Variants in VAX1 observed in about 807,000 individuals in gnomAD.
The protein encoded by VAX1 is ventral anterior homeobox 1.
Under a neutral mutation model 17.6 loss-of-function variants are expected in VAX1, and 6 were observed. The observed-to-expected ratio is 0.34, with a 90% CI of 0.19 to 0.67. The LOEUF (loss-of-function observed/expected upper bound fraction) is 0.67. Ranked by LOEUF, VAX1 falls within the 30% of genes least tolerant of loss-of-function variation. The pLI, the probability that VAX1 is intolerant of heterozygous loss-of-function variation, is 0.69. For missense variants in VAX1, 408 were observed against 463.7 expected (o/e 0.88, Z 1.10); for synonymous variants, 256 against 227.4 (o/e 1.13, Z -1.13).
At chr10:117,135,109 G>A (rs529316821) in intron 2 of VAX1, among the ~76,000 whole-genome samples, 156 of 152,280 alleles carry the variant, frequency 1.0e-3, no homozygotes, top group Middle Eastern at 6.8e-3. Flanking sequence ...CAATGCGCTC[G>A]GATTTAGTCC....
rs1854134952 is a variant in VAX1 at position 117,134,258 on chromosome 10, C to T, written c.755G>A (p.Gly252Asp). The part of the protein sequence containing the change: ...PHPPAVGGAP[G>D]PGPAGPGGLH... Reference sequence around the variant, plus strand: ...TCCCCCCGGCCCGGCGGGCCCGGGACCTGGAGCACCGCCCACAGCCGGCGG... The same window carrying T: ...TCCCCCCGGCCCGGCGGGCCCGGGATCTGGAGCACCGCCCACAGCCGGCGG... Residue 252 changes from glycine to aspartate, a missense_variant, in exon 3 of 3, where the codon GGT becomes GAT. Around this residue, in one of 4 missense-constraint regions of VAX1, gnomAD observed 196 missense variants for 218.7 expected, o/e 0.90. Transcript: ENST00000369206. This position sits in a 1 kb window ranked among gnomAD's most constrained non-coding sequence, Gnocchi z 6.2. The T allele has an allele frequency of 7.4e-7, 1 of 1,349,232 alleles. No homozygotes were observed. Among genetic ancestry groups the T allele is most frequent in the Admixed American group, 4.1e-5 (1 of 24,162 alleles). 83.6% of individuals were successfully genotyped at this position (1,349,232 alleles called of 1,614,324 possible).
rs1433860735 is a variant in VAX1 at position 117,134,913 on chromosome 10, C to A, written c.430-330G>T. Among the ~76,000 whole-genome samples, 1 of 152,170 alleles carries A rather than the reference C, an allele frequency of 6.6e-6. No homozygotes were observed. The highest frequency in any genetic ancestry group is 1.9e-4 in the East Asian group (1 of 5,148). On this transcript the variant is annotated intron_variant, in intron 2 of 2. Transcript: ENST00000369206. The surrounding 1 kb of genome is among the most constrained non-coding windows in gnomAD (Gnocchi z 6.2). Reference sequence around the variant, plus strand: ...AGGGTTTCACTGGCTTCCGCGCTACCCCGCAGCGGTGTTTGGGGCTCACAG... The same window carrying A: ...AGGGTTTCACTGGCTTCCGCGCTACACCGCAGCGGTGTTTGGGGCTCACAG...
At position 117,133,551 on chromosome 10, in the gene VAX1, G is replaced by C; in HGVS notation, c.*457C>G. The stretch of plus-strand genomic sequence containing the variant: ...GAGGAAGGAACGTCCTCCTTTTTTG[G>C]TCTAAAGAAACCTGGAAGCCCCTGG... On this transcript the variant is annotated 3_prime_UTR_variant, in exon 3 of 3. Transcript: ENST00000369206. 1 of 985,734 alleles carries C rather than the reference G, an allele frequency of 1.0e-6. No individual in the cohort carries two copies. Among genetic ancestry groups the C allele is most frequent in the Non-Finnish European group, 1.2e-6 (1 of 830,206 alleles). The allele number at this position is 985,734 out of a possible 1,614,324, so 61.1% of individuals were successfully genotyped here.
In VAX1 at chr10:117,133,746, A is replaced by G. The variant is rs1439869117; in HGVS notation, c.*262T>C. ...GGGCATCAGGTTGACTAACTCGGGC[A>G]TTTTTCCCAATTCTTTGGATCGCTC... On this transcript the variant is annotated 3_prime_UTR_variant, in exon 3 of 3. Transcript: ENST00000369206. The G allele has an allele frequency of 8.2e-7, 1 of 1,217,900 alleles. No individual in the cohort carries two copies. The highest frequency in any genetic ancestry group is 4.1e-5 in the East Asian group (1 of 24,372). The allele number at this position is 1,217,900 out of a possible 1,614,324, so 75.4% of individuals were successfully genotyped here. A position where few individuals can be genotyped will look rare whatever the true frequency, so the allele number is the denominator to read the frequency against.
At chr10:117,132,821 C>G (rs151275229), downstream of VAX1, among the ~76,000 whole-genome samples, 2 of 152,200 alleles carry the variant, frequency 1.3e-5, no homozygotes, top group African/African-American at 4.8e-5. The surrounding 1 kb of genome is among the most constrained non-coding windows in gnomAD (Gnocchi z 4.9). Flanking sequence ...AGAGGAGGCC[C>G]GACCACCCAG....
chr10:117,137,806 C>A lies in VAX1; in HGVS notation c.241+10G>T. The A allele has an allele frequency of 6.2e-7, 1 of 1,611,496 alleles. No homozygotes were observed. Among genetic ancestry groups the A allele is most frequent in the South Asian group, 1.1e-5 (1 of 90,970 alleles). ...CAAAGAACGCGCCTGGCAGCCCTGC[C>A]CATCCCTACCTCGGACCAGGATCCG... On this transcript the variant is annotated intron_variant, in intron 1 of 2. Transcript: ENST00000369206. The surrounding 1 kb of genome is among the most constrained non-coding windows in gnomAD (Gnocchi z 7.4).
chr10:117,133,663 C>T lies in VAX1; in HGVS notation c.*345G>A, dbSNP rs1854121834. 3 of 1,019,564 alleles carry T rather than the reference C, an allele frequency of 2.9e-6. No homozygotes were observed. The highest frequency in any genetic ancestry group is 9.0e-5 in the East Asian group (1 of 11,138). 63.2% of individuals were successfully genotyped at this position (1,019,564 alleles called of 1,614,324 possible). A position where few individuals can be genotyped will look rare whatever the true frequency, so the allele number is the denominator to read the frequency against. ...GCAGCAGCCGCGGATCTAGAGCAAA[C>T]GTCCTGTGCTTTGGAGTTAGAACCA... is the stretch of plus-strand genomic sequence containing the variant. On this transcript the variant is annotated 3_prime_UTR_variant, in exon 3 of 3. Coordinates refer to ENST00000369206, the MANE Select transcript of VAX1 (RefSeq NM_001112704.2).
Position 117,138,051 on chromosome 10 carries a change from G to A in VAX1, c.6C>T (p.Phe2=), listed in dbSNP as rs201598507. 234 of 1,343,816 alleles carry A rather than the reference G, an allele frequency of 1.7e-4. 1 individual carries two copies. The highest frequency in any genetic ancestry group is 2.8e-5 in the Non-Finnish European group (29 of 1,021,416). The allele number at this position is 1,343,816 out of a possible 1,614,324, so 83.2% of individuals were successfully genotyped here. A position where few individuals can be genotyped will look rare whatever the true frequency, so the allele number is the denominator to read the frequency against. M[F]GKPDKMDVRC... ...GAACGTCCATTTTGTCTGGTTTCCCGAACATAGGCAAGAACAACAACAAAA... is the reference window on the plus strand; with the variant it reads ...GAACGTCCATTTTGTCTGGTTTCCCAAACATAGGCAAGAACAACAACAAAA... Residue 2 remains phenylalanine (F), a synonymous_variant, in exon 1 of 3, where the codon TTC becomes TTT. Coordinates refer to ENST00000369206, the MANE Select transcript of VAX1 (RefSeq NM_001112704.2).
At chr10:117,132,374 T>G (rs1043336807), downstream of VAX1, 1 of 1,610,282 alleles carries the variant, frequency 6.2e-7, no homozygotes, top group Non-Finnish European at 8.5e-7. This position sits in a 1 kb window ranked among gnomAD's most constrained non-coding sequence, Gnocchi z 4.9. Context: ...ACCACATAAA[T>G]ACAAAACATC....
rs1255216202 is a variant in VAX1 at position 117,134,192 on chromosome 10, C to G, written c.821G>C (p.Ser274Thr). The change falls in exon 3 of 3, where the codon AGC becomes ACC. Residue 274 changes from serine (S) to threonine (T), a missense_variant. Transcript: ENST00000369206. The surrounding 1 kb of genome is among the most constrained non-coding windows in gnomAD (Gnocchi z 6.2). ...GAPAAGHSLF[S>T]LPVPSLLGSV... Reference sequence around the variant, plus strand: ...GCCGAGCAGCGAGGGCACCGGCAGGCTGAAGAGGCTGTGGCCCGCGGCCGG... The same window carrying G: ...GCCGAGCAGCGAGGGCACCGGCAGGGTGAAGAGGCTGTGGCCCGCGGCCGG... 1 of 1,513,026 alleles carries G rather than the reference C, an allele frequency of 6.6e-7. No homozygotes were observed. The highest frequency in any genetic ancestry group is 8.8e-7 in the Non-Finnish European group (1 of 1,131,854). The allele number at this position is 1,513,026 out of a possible 1,614,324, so 93.7% of individuals were successfully genotyped here.
rs1174944599 is a variant in VAX1 at position 117,137,141 on chromosome 10, G to C, written c.242-482C>G. 2.0e-5 allele frequency among the ~76,000 whole-genome samples: 3 copies of C among 151,736 alleles called. No individual in the cohort carries two copies. The highest frequency in any genetic ancestry group is 2.9e-5 in the Non-Finnish European group (2 of 67,854). ...AAGGAGGAGGGACTGAGTCGGGGCCGGCCGGGCCCGGAGATCTGCTGCTGG... is the reference window on the plus strand; with the variant it reads ...AAGGAGGAGGGACTGAGTCGGGGCCCGCCGGGCCCGGAGATCTGCTGCTGG... On this transcript the variant is annotated intron_variant, in intron 1 of 2. Coordinates refer to ENST00000369206, the MANE Select transcript of VAX1 (RefSeq NM_001112704.2). The surrounding 1 kb of genome is among the most constrained non-coding windows in gnomAD (Gnocchi z 7.4).
In VAX1 at chr10:117,138,089, A is replaced by G. The variant is rs1285774649; in HGVS notation, c.-33T>C. 22 of 741,810 alleles carry G rather than the reference A, an allele frequency of 3.0e-5. No individual in the cohort carries two copies. The highest frequency in any genetic ancestry group is 3.4e-5 in the Non-Finnish European group (18 of 530,190). The allele number at this position is 741,810 out of a possible 1,614,324, so 46.0% of individuals were successfully genotyped here. Reference sequence around the variant, plus strand: ...AACAACAACAAAAACAGAAAGGAAAAAAAAAGCAAAAAAAAAAAAAAGGGG... The same window carrying G: ...AACAACAACAAAAACAGAAAGGAAAGAAAAAGCAAAAAAAAAAAAAAGGGG... On this transcript the variant is annotated 5_prime_UTR_variant, in exon 1 of 3. Coordinates refer to ENST00000369206, the MANE Select transcript of VAX1 (RefSeq NM_001112704.2).
chr10:117,134,193 T>A lies in VAX1; in HGVS notation c.820A>T (p.Ser274Cys). ...GAPAAGHSLF[S>C]LPVPSLLGSV... ...CCGAGCAGCGAGGGCACCGGCAGGCTGAAGAGGCTGTGGCCCGCGGCCGGG... is the reference window on the plus strand; with the variant it reads ...CCGAGCAGCGAGGGCACCGGCAGGCAGAAGAGGCTGTGGCCCGCGGCCGGG... Residue 274 changes from serine (S) to cysteine (C), a missense_variant, in exon 3 of 3, where the codon AGC (serine) becomes TGC (cysteine). By Grantham distance (112) the Ser-to-Cys change is moderately radical. Coordinates refer to ENST00000369206, the MANE Select transcript of VAX1 (RefSeq NM_001112704.2). The surrounding 1 kb of genome is among the most constrained non-coding windows in gnomAD (Gnocchi z 6.2). The A allele has an allele frequency of 6.6e-7, 1 of 1,512,778 alleles. No individual in the cohort carries two copies. Among genetic ancestry groups the A allele is most frequent in the Non-Finnish European group, 8.8e-7 (1 of 1,131,750 alleles). The allele number at this position is 1,512,778 out of a possible 1,614,324, so 93.7% of individuals were successfully genotyped here.
At chr10:117,131,682 C>G (rs1854087004), downstream of VAX1, 1 of 152,908 alleles carries the variant, frequency 6.5e-6, no homozygotes, top group African/African-American at 2.4e-5. Context: ...TTTAGAAGAG[C>G]GTGTCCGGAA....
In VAX1 at chr10:117,133,874, G is replaced by T; in HGVS notation, c.*134C>A. 5 of 1,381,520 alleles carry T rather than the reference G, an allele frequency of 3.6e-6. No individual in the cohort carries two copies. Among genetic ancestry groups the T allele is most frequent in the Non-Finnish European group, 4.7e-6 (5 of 1,074,420 alleles). The allele number at this position is 1,381,520 out of a possible 1,614,324, so 85.6% of individuals were successfully genotyped here. On this transcript the variant is annotated 3_prime_UTR_variant, in exon 3 of 3. Coordinates refer to ENST00000369206, the MANE Select transcript of VAX1 (RefSeq NM_001112704.2). ...GATGAAATTGGTAGCAGAGTCTAGT[G>T]GGAAAGGAGAGCTGTCAGAGGCCTG...
downstream of VAX1, chr10:117,129,676 G>GTGTGTGTGTGTA (rs1438040088): frequency 5.9e-5 from 9 of 151,648 alleles, no homozygotes; most frequent in Non-Finnish European, 1.2e-4. Flanking sequence ...GTGTGTGTGT[G>GTGTGTGTGTGTA]TAAATCATCA....
downstream of VAX1, chr10:117,132,259 C>A (rs768045922): frequency 2.5e-6 from 4 of 1,614,144 alleles, no homozygotes; most frequent in Non-Finnish European, 3.4e-6. This position sits in a 1 kb window ranked among gnomAD's most constrained non-coding sequence, Gnocchi z 4.9. Flanking sequence ...CGAGACTCAT[C>A]ATTTGCTGGC....
intron 2 of VAX1, among the ~76,000 whole-genome samples, chr10:117,135,214 GAAT>G (rs1284333957): frequency 1.3e-5 from 2 of 152,226 alleles, no homozygotes; most frequent in African/African-American, 2.4e-5. Flanking sequence ...GGCTGCAGGA[GAAT>G]AATATGTGCG....
At chr10:117,135,011 TGAAGGAAGAGGGAA>T (rs1219676601) in intron 2 of VAX1, among the ~76,000 whole-genome samples, 2 of 151,462 alleles carry the variant, frequency 1.3e-5, no homozygotes, top group African/African-American at 2.4e-5. Flanking sequence ...GCGGGTGCGG[TGAAGGAAGAGGGAA>T]GAAGGAAGAG....
Sources: allele counts gnomAD v4.1 joint callset (sites outside exome capture counted in the v4.1 genomes callset), GRCh38; gene constraint gnomAD v4.1.1; regional missense constraint gnomAD v4.1.1; non-coding constraint Gnocchi (gnomAD v3.1); transcripts MANE v1.5; gene names NCBI Gene and HGNC (gene_info 2026-07-23, HGNC 2026-07-21).